LMLN: variants seen among roughly 807,000 people sequenced by gnomAD.
LMLN encodes leishmanolysin-like peptidase.
Under a neutral mutation model 92.3 loss-of-function variants are expected in LMLN, and 70 were observed. The ratio of observed to expected loss-of-function variants is 0.76; its 90% CI spans 0.63 to 0.92. The LOEUF (loss-of-function observed/expected upper bound fraction) is 0.92. LMLN is among the 40% of genes least tolerant of loss of function. The probability of loss-of-function intolerance (pLI) is 0.00; values close to 1 mark genes in which losing one functional copy is unlikely to be tolerated. For synonymous variants in LMLN, 308 were observed against 296.2 expected (o/e 1.04, Z -0.41); for missense variants, 691 against 814.6 (o/e 0.85, Z 1.85).
intron 15 of LMLN, among the ~76,000 whole-genome samples, chr3:198,037,467 T>C (rs151250998): frequency 0.067 from 10,164 of 152,244 alleles, 411 homozygotes; most frequent in African/African-American, 0.11. Flanking sequence ...CTGGCCAACA[T>C]GGTGAAAACT....
In LMLN at chr3:197,995,751, T is replaced by A. The variant is rs758168769; in HGVS notation, c.1048-424T>A. 8.3e-4 allele frequency among the ~76,000 whole-genome samples: 127 copies of A among 152,164 alleles called. 2 individuals carry two copies. Among genetic ancestry groups the A allele is most frequent in the Admixed American group, 1.6e-3 (25 of 15,280 alleles). On this transcript the variant is annotated intron_variant, in intron 9 of 15. Coordinates refer to ENST00000330198, the Ensembl canonical transcript of LMLN. ...ATTTAAAATATTCTCACAAAAAAAG[T>A]ATTTGAAATGATGGCTATATTAGCT...
intron 8 of LMLN, among the ~76,000 whole-genome samples, chr3:197,988,284 G>GTT (rs1721768358): frequency 6.6e-6 from 1 of 150,554 alleles, no homozygotes; most frequent in South Asian, 2.1e-4. Flanking sequence ...GTACCCCGAT[G>GTT]TTTTTTTCTT....
At position 198,029,013 on chromosome 3, in the gene LMLN, T is replaced by C. The variant is rs563513687; in HGVS notation, c.1656+4225T>C. ...ACATTTGGTTGTACTTTGATCATTC[T>C]GAATTCAGTTCCTCCAAAATCCAGT... On this transcript the variant is annotated intron_variant, in intron 14 of 15. Transcript: ENST00000330198. Among the ~76,000 whole-genome samples the C allele has an allele frequency of 5.4e-4, 83 of 152,360 alleles. No individual in the cohort carries two copies. The Middle Eastern group carries it at 0.01, about 19-fold the overall frequency.
At chr3:198,022,536 C>A (rs1466514976) in intron 13 of LMLN, among the ~76,000 whole-genome samples, 1 of 152,188 alleles carries the variant, frequency 6.6e-6, no homozygotes, top group Non-Finnish European at 1.5e-5. Flanking sequence ...TTCCTGCAGT[C>A]ATTTTTCCCC....
chr3:198,022,517 G>A (rs1398688233), intron 13 of LMLN, among the ~76,000 whole-genome samples: 1 of 152,216 alleles, frequency 6.6e-6, no homozygotes, highest in East Asian at 1.9e-4. Flanking sequence ...CTTGGCAGAT[G>A]TAACTGGATT....
At chr3:198,018,080 T>A (rs774128503) in intron 11 of LMLN, among the ~76,000 whole-genome samples, 6 of 152,232 alleles carry the variant, frequency 3.9e-5, no homozygotes, top group Non-Finnish European at 5.9e-5. Context: ...GCTCTAACTT[T>A]GGAATGTTTA....
intron 8 of LMLN, among the ~76,000 whole-genome samples, chr3:197,986,107 G>A (rs1190186823): frequency 1.3e-4 from 20 of 152,190 alleles, no homozygotes; most frequent in Admixed American, 1.2e-3. Context: ...CCACACACAA[G>A]AACCATTCTT....
intron 10 of LMLN, among the ~76,000 whole-genome samples, chr3:197,997,716 C>T (rs1722067201): frequency 6.6e-6 from 1 of 152,152 alleles, no homozygotes; most frequent in Admixed American, 6.5e-5. Flanking sequence ...CAACGTGATT[C>T]CTTGTTATAC....
chr3:197,990,669 G>T (rs775343593), exon 9 of LMLN: 2 of 1,504,742 alleles, frequency 1.3e-6, no homozygotes, highest in South Asian at 1.1e-5. Context: ...GTAACGCCTC[G>T]TGTTGTTGTA....
At chr3:198,003,294 C>T (rs185375391) in intron 11 of LMLN, among the ~76,000 whole-genome samples, 169 bp downstream of exon 12, 26 of 152,216 alleles carry the variant, frequency 1.7e-4, no homozygotes, top group Admixed American at 1.6e-3. Flanking sequence ...GAGAAGTTAG[C>T]TGTAAGTAGT....
intron 11 of LMLN, among the ~76,000 whole-genome samples, chr3:198,005,638 C>CTTTTTTT (rs745643545): frequency 3.6e-5 from 5 of 140,574 alleles, no homozygotes; most frequent in East Asian, 2.1e-4. Context: ...TTTTCTTTTT[C>CTTTTTTT]TTTTTTTTTT....
At chr3:198,003,062 G>A (rs1453917015) in intron 11 of LMLN, 15 of 1,551,426 alleles carry the variant, frequency 9.7e-6, no homozygotes, top group South Asian at 2.4e-5. Flanking sequence ...GACTGGGGCC[G>A]AGGAATGGGC....
intron 1 of LMLN, among the ~76,000 whole-genome samples, chr3:197,961,090 T>G (rs1287746179): frequency 6.6e-6 from 1 of 152,242 alleles, no homozygotes; most frequent in African/African-American, 2.4e-5. Context: ...GGCAGCCTGC[T>G]GAAACCACCA....
chr3:198,033,710 T>G (rs1723137925), intron 14 of LMLN, among the ~76,000 whole-genome samples: 1 of 152,152 alleles, frequency 6.6e-6, no homozygotes, highest in African/African-American at 2.4e-5. Flanking sequence ...CTGAAAAAAA[T>G]TTTTATATCC....
At chr3:197,988,889 C>T (rs906818836) in intron 8 of LMLN, among the ~76,000 whole-genome samples, 3 of 152,038 alleles carry the variant, frequency 2.0e-5, no homozygotes, top group African/African-American at 7.2e-5. Context: ...ACCATGTTTG[C>T]CAGGTTTGGT....
At chr3:197,995,046 T>C (rs867116885) in intron 9 of LMLN, among the ~76,000 whole-genome samples, 1 of 152,188 alleles carries the variant, frequency 6.6e-6, no homozygotes, top group Non-Finnish European at 1.5e-5. Context: ...GGTCCACTTA[T>C]TTGTGGACTT....
intron 10 of LMLN, among the ~76,000 whole-genome samples, chr3:197,997,614 G>A (rs2109895906): frequency 6.6e-6 from 1 of 152,286 alleles, no homozygotes; most frequent in South Asian, 2.1e-4. Context: ...GCACTGTACA[G>A]CATTTTTGTA....
chr3:197,989,107 T>G (rs1180471005), intron 8 of LMLN, among the ~76,000 whole-genome samples: 1 of 152,240 alleles, frequency 6.6e-6, no homozygotes, highest in Non-Finnish European at 1.5e-5. Flanking sequence ...AACCCTGTTC[T>G]GTCTGCTACA....
chr3:198,035,729 A>C, intron 14 of LMLN, 104 bp from the exon 16 acceptor site: 1 of 896,840 alleles, frequency 1.1e-6, no homozygotes, highest in Non-Finnish European at 1.7e-6. Context: ...CAATGTTTTT[A>C]GTAAGTTTTA....
Sources: gnomAD v4.1 joint callset for allele counts (sites outside exome capture counted in the v4.1 genomes callset) on GRCh38, gnomAD v4.1.1 for gene constraint, MANE v1.5 for transcripts, NCBI Gene and HGNC (gene_info 2026-07-23, HGNC 2026-07-21) for gene names.